OR3A2: variants seen among roughly 807,000 people sequenced by gnomAD.
OR3A2 encodes the protein olfactory receptor 3A2.
For synonymous variants in OR3A2, 126 were observed against 159.3 expected (o/e 0.79, Z 1.57); for missense variants, 318 against 392.8 (o/e 0.81, Z 1.61).
chr17:3,383,613 T>A (rs192892999), intron 2 of OR3A2, among the ~76,000 whole-genome samples: 1 of 152,076 alleles, frequency 6.6e-6, no homozygotes, highest in Admixed American at 6.5e-5. Context: ...AGGAGTCAGT[T>A]GAGAAGAATC....
chr17:3,300,189 A>C (rs1405981252), intron 3 of OR3A2, among the ~76,000 whole-genome samples: 1 of 151,928 alleles, frequency 6.6e-6, no homozygotes, highest in Non-Finnish European at 1.5e-5. Flanking sequence ...TCATCTGATC[A>C]CTATGACTGT....
chr17:3,326,520 C>A (rs1221079308), intron 3 of OR3A2, among the ~76,000 whole-genome samples: 1 of 151,528 alleles, frequency 6.6e-6, no homozygotes, highest in Non-Finnish European at 1.5e-5. Context: ...GAAATTAATA[C>A]TTTTATAATT....
rs201680660 is a variant in OR3A2 at position 3,310,620 on chromosome 17, CTCT to C, written c.-85+25410_-85+25412del. On this transcript the variant is annotated intron_variant, in intron 3 of 4. Transcript: ENST00000573491. ...TCCCTATAAGGCCTGCCTCTCCGAG[CTCT>C]TCTTCTTCCACCTCCTGGCTGGGGC... 591 of 540,898 alleles carry C rather than the reference CTCT, an allele frequency of 1.1e-3. 3 individuals carry two copies. Among genetic ancestry groups the C allele is most frequent in the East Asian group, 7.2e-3 (135 of 18,756 alleles). 33.5% of individuals were successfully genotyped at this position (540,898 alleles called of 1,614,324 possible).
Position 3,293,439 on chromosome 17 carries a change from C to A in OR3A2, c.-84-14286G>T, listed in dbSNP as rs374671654. Among the ~76,000 whole-genome samples the A allele has an allele frequency of 3.2e-4, 48 of 152,270 alleles. 1 individual carries two copies. In the South Asian group the frequency reaches 8.9e-3, roughly 28 times the overall value. The stretch of plus-strand genomic sequence containing the variant: ...AAATAAAAGCTAAAATAATTTACCT[C>A]CAATTCTGAATCACAAGGTAGGTTC... On this transcript the variant is annotated intron_variant, in intron 3 of 4. Transcript: ENST00000573491.
At chr17:3,363,008 G>T (rs575426914) in intron 2 of OR3A2, among the ~76,000 whole-genome samples, 1 of 151,834 alleles carries the variant, frequency 6.6e-6, no homozygotes, top group Non-Finnish European at 1.5e-5. Flanking sequence ...ACAGAGCAGT[G>T]GGGGCCTGGA....
intron 3 of OR3A2, among the ~76,000 whole-genome samples, chr17:3,295,084 C>T (rs1160488305): frequency 6.6e-6 from 1 of 151,822 alleles, no homozygotes; most frequent in Non-Finnish European, 1.5e-5. Context: ...AAGACTAAAA[C>T]ATTTGTGAAA....
chr17:3,380,927 C>T (rs1034819157), intron 2 of OR3A2, among the ~76,000 whole-genome samples: 1 of 152,164 alleles, frequency 6.6e-6, no homozygotes, highest in Non-Finnish European at 1.5e-5. Flanking sequence ...GTAAGATTCA[C>T]GTGTGTGCCT....
At chr17:3,287,513 C>A (rs1215883747), upstream of OR3A2, among the ~76,000 whole-genome samples, 1 of 152,104 alleles carries the variant, frequency 6.6e-6, no homozygotes, top group Non-Finnish European at 1.5e-5. Flanking sequence ...ATTATAACAG[C>A]CATTTAAAAT....
chr17:3,365,814 T>C (rs1381986882), intron 2 of OR3A2, among the ~76,000 whole-genome samples: 2 of 152,216 alleles, frequency 1.3e-5, no homozygotes, highest in African/African-American at 4.8e-5. Flanking sequence ...ATTTCTTTAA[T>C]TGCATGCAAC....
intron 3 of OR3A2, among the ~76,000 whole-genome samples, chr17:3,330,446 G>C (rs2049220739): frequency 6.6e-6 from 1 of 151,920 alleles, no homozygotes; most frequent in African/African-American, 2.4e-5. Flanking sequence ...TTGTTGAATT[G>C]ATCCCTTTAC....
rs1247913692 is a variant in OR3A2, at chr17:3,308,262, G to A, written c.-85+27771C>T. Among the ~76,000 whole-genome samples the A allele has an allele frequency of 3.9e-5, 6 of 152,278 alleles. No homozygotes were observed. In the East Asian group the frequency reaches 1.2e-3, roughly 29 times the overall value. ...AACAATGAGGAGGAGAAAAATCCCA[G>A]TGTGAAAATGATGTCAGCGGAGTTG... On this transcript the variant is annotated intron_variant, in intron 3 of 4. Transcript: ENST00000573491.
intron 2 of OR3A2, among the ~76,000 whole-genome samples, chr17:3,338,805 A>T (rs2049292518): frequency 1.3e-5 from 2 of 152,196 alleles, no homozygotes; most frequent in Admixed American, 1.3e-4. Flanking sequence ...CAATTCTGTG[A>T]AGAAAGTCAT....
At position 3,281,235 on chromosome 17, in the gene OR3A2, ATTTTT is replaced by A. The variant is rs58615412; in HGVS notation, c.-6-2317_-6-2313del. Among the ~76,000 whole-genome samples the A allele has an allele frequency of 5.6e-3, 774 of 137,398 alleles. 5 individuals are homozygous for A. The highest frequency in any genetic ancestry group is 0.018 in the African/African-American group (678 of 36,900). The allele number at this position is 137,398 out of a possible 152,430, so 90.1% of individuals were successfully genotyped here. On this transcript the variant is annotated intron_variant, in intron 1 of 1. Transcript: ENST00000642052. ...CCCAAGATAATACCCAGGCATCAGG[ATTTTT>A]TTTTTTTTTTTTGAGATGGAGTCTC...
At chr17:3,353,534 T>C (rs2049438265) in intron 2 of OR3A2, among the ~76,000 whole-genome samples, 1 of 151,872 alleles carries the variant, frequency 6.6e-6, no homozygotes, top group Admixed American at 6.6e-5. Flanking sequence ...TGTTGAGGTA[T>C]TCTCCTTCTA....
intron 2 of OR3A2, among the ~76,000 whole-genome samples, chr17:3,340,393 T>C (rs2049307085): frequency 6.6e-6 from 1 of 152,202 alleles, no homozygotes; most frequent in African/African-American, 2.4e-5. Context: ...CTGCTTTCTC[T>C]TGTGGGCACT....
At chr17:3,318,730 ATG>A (rs1476714653) in intron 3 of OR3A2, among the ~76,000 whole-genome samples, 1 of 152,102 alleles carries the variant, frequency 6.6e-6, no homozygotes, top group Non-Finnish European at 1.5e-5. Flanking sequence ...CCATAATTTG[ATG>A]TGTTTTTTCC....
chr17:3,345,848 C>T (rs1488686), intron 2 of OR3A2, among the ~76,000 whole-genome samples: 2 of 151,902 alleles, frequency 1.3e-5, no homozygotes, highest in Non-Finnish European at 2.9e-5. Flanking sequence ...ACATTCAAAA[C>T]AAAATGGATT....
rs1024206077 is a variant in OR3A2, at chr17:3,370,627, C to G, written c.-179+13177G>C. Among the ~76,000 whole-genome samples the G allele has an allele frequency of 7.2e-4, 79 of 109,722 alleles. 1 individual carries two copies. The highest frequency in any genetic ancestry group is 3.1e-3 in the African/African-American group (79 of 25,788). 72.0% of individuals were successfully genotyped at this position (109,722 alleles called of 152,430 possible). ...TGTGAACTTAGATTGTCTATTTGTTCTTTCGGATTTTTTTTTTTATTGTTC... is the reference window on the plus strand; with the variant it reads ...TGTGAACTTAGATTGTCTATTTGTTGTTTCGGATTTTTTTTTTTATTGTTC... On this transcript the variant is annotated intron_variant, in intron 2 of 4. Transcript: ENST00000573491.
At position 3,315,295 on chromosome 17, in the gene OR3A2, T is replaced by C. The variant is rs572995601; in HGVS notation, c.-85+20738A>G. The stretch of plus-strand genomic sequence containing the variant: ...TCCACAGGGGCTGCACAAAGTTACA[T>C]TTCCACCAACAACGTAGAAGCGTTC... On this transcript the variant is annotated intron_variant, in intron 3 of 4. Coordinates refer to the OR3A2 transcript ENST00000573491. Among the ~76,000 whole-genome samples the C allele has an allele frequency of 3.3e-5, 5 of 152,352 alleles. No homozygotes were observed. In the South Asian group the frequency reaches 1.0e-3, roughly 32 times the overall value.
Sources: allele counts gnomAD v4.1 joint callset (sites outside exome capture counted in the v4.1 genomes callset), GRCh38; gene constraint gnomAD v4.1.1; transcripts MANE v1.5; gene names NCBI Gene and HGNC (gene_info 2026-07-23, HGNC 2026-07-21).